The following TMEM204 variants were observed in gnomAD, a reference collection of about 807,000 sequenced individuals.
The protein encoded by TMEM204 is transmembrane protein 204.
Under a neutral mutation model 19.4 loss-of-function variants are expected in TMEM204, and 15 were observed. The ratio of observed to expected loss-of-function variants is 0.77; its 90% CI spans 0.52 to 1.19. TMEM204 has a LOEUF of 1.19. Among genes scored for constraint, TMEM204 ranks in the 50% most tolerant of loss-of-function variants. The pLI is 0.00. For synonymous variants in TMEM204, 161 were observed against 146.0 expected, an observed-to-expected ratio of 1.10 and a Z score of -0.74; for missense variants, 287 against 321.2, an observed-to-expected ratio of 0.89 and a Z score of 0.81.
chr16:1,535,656 C>T (rs1007216658), intron 1 of TMEM204, among the ~76,000 whole-genome samples: 5 of 152,204 alleles, frequency 3.3e-5, no homozygotes, highest in Admixed American at 2.6e-4. Flanking sequence ...GGAATGTCAT[C>T]CCCACTTCAC....
intron 2 of TMEM204, among the ~76,000 whole-genome samples, chr16:1,549,313 T>C (rs1393956982): frequency 1.3e-5 from 2 of 152,278 alleles, no homozygotes; most frequent in Admixed American, 6.5e-5. Flanking sequence ...AATTTTCCCA[T>C]CTGCTTCTGT....
At chr16:1,541,831 CA>C in intron 1 of TMEM204, 89 bp from the exon 2 acceptor site, 1 of 1,445,404 alleles carries the variant, frequency 6.9e-7, no homozygotes. Context: ...CTTTCCGAGG[CA>C]AACAGAGACC....
At chr16:1,529,959 A>T (rs572618736), upstream of TMEM204, among the ~76,000 whole-genome samples, 1 of 151,876 alleles carries the variant, frequency 6.6e-6, no homozygotes, top group Non-Finnish European at 1.5e-5. Flanking sequence ...AGTTCTACAG[A>T]TCGGATGGAA....
At chr16:1,554,330 A>C (rs1052644597) in intron 2 of TMEM204, among the ~76,000 whole-genome samples, 1 of 152,220 alleles carries the variant, frequency 6.6e-6, no homozygotes, top group Non-Finnish European at 1.5e-5. Flanking sequence ...TCTTTGAATG[A>C]ATTAAGCATT....
chr16:1,540,765 TA>T, intron 1 of TMEM204: 1 of 919,790 alleles, frequency 1.1e-6, no homozygotes, highest in Non-Finnish European at 1.3e-6. Context: ...GCAAGTCATT[TA>T]AAAAGGTGCA....
chr16:1,544,957 G>T (rs1403401209), intron 2 of TMEM204, among the ~76,000 whole-genome samples: 1 of 152,204 alleles, frequency 6.6e-6, no homozygotes, highest in South Asian at 2.1e-4. Flanking sequence ...CCAGATCACT[G>T]CATTTCTTAA....
In TMEM204 at chr16:1,553,934, G is replaced by C; in HGVS notation, c.437-848G>C. 7.8e-7 allele frequency: 1 copy of C among 1,286,062 alleles called. No homozygotes were observed. The highest frequency in any genetic ancestry group is 5.6e-5 in the East Asian group (1 of 17,986). The allele number at this position is 1,286,062 out of a possible 1,614,324, so 79.7% of individuals were successfully genotyped here. A position where few individuals can be genotyped will look rare whatever the true frequency, so the allele number is the denominator to read the frequency against. On this transcript the variant is annotated intron_variant, in intron 2 of 2. Coordinates refer to ENST00000566264, the MANE Select transcript of TMEM204 (RefSeq NM_024600.6). This position sits in a 1 kb window ranked among gnomAD's most constrained non-coding sequence, Gnocchi z 4.4. The stretch of plus-strand genomic sequence containing the variant: ...AAAAAGGTCTTTGGAGCTCCTCAAA[G>C]ATAAAACTGTAAGTGAAACTGTAGC...
intron 1 of TMEM204, among the ~76,000 whole-genome samples, chr16:1,538,136 C>T (rs1259001652): frequency 2.6e-5 from 4 of 152,220 alleles, no homozygotes; most frequent in African/African-American, 7.2e-5. Flanking sequence ...GAGCGTGGCT[C>T]AGACAGGAAG....
chr16:1,530,340 C>T (rs1308740372), upstream of TMEM204, among the ~76,000 whole-genome samples: 4 of 151,876 alleles, frequency 2.6e-5, no homozygotes, highest in South Asian at 6.2e-4. Context: ...ATCATGTTGG[C>T]CAGGATGGTC....
At chr16:1,543,257 G>C (rs1360999718) in intron 2 of TMEM204, among the ~76,000 whole-genome samples, 1 of 152,274 alleles carries the variant, frequency 6.6e-6, no homozygotes, top group Non-Finnish European at 1.5e-5. Context: ...CACAGAGGAA[G>C]TGGCAGGAAG....
intron 1 of TMEM204, among the ~76,000 whole-genome samples, chr16:1,539,176 G>A (rs1210851952): frequency 2.0e-5 from 3 of 150,828 alleles, no homozygotes; most frequent in South Asian, 2.1e-4. Flanking sequence ...GTGCCACGCC[G>A]CCCCACGCCT....
chr16:1,554,235 G>C, intron 2 of TMEM204: 1 of 760,776 alleles, frequency 1.3e-6, no homozygotes, highest in Non-Finnish European at 1.8e-6. Context: ...CAAAGGCCAA[G>C]AGCAAGAAAA....
Position 1,553,248 on chromosome 16 carries a change from GTC to G in TMEM204, c.437-1528_437-1527del. ...TCCATCTGTCTCTGTGTCTGTCTCTGTCTCTCTGTATCTCTCTTGGTCTCTGT... is the reference window on the plus strand; with the variant it reads ...TCCATCTGTCTCTGTGTCTGTCTCTGTCTCTGTATCTCTCTTGGTCTCTGT... On this transcript the variant is annotated intron_variant, in intron 2 of 2. Coordinates refer to ENST00000566264, the MANE Select transcript of TMEM204 (RefSeq NM_024600.6). This position sits in a 1 kb window ranked among gnomAD's most constrained non-coding sequence, Gnocchi z 4.4. 1.0e-6 allele frequency: 1 copy of G among 976,430 alleles called. No individual in the cohort carries two copies. The highest frequency in any genetic ancestry group is 1.2e-6 in the Non-Finnish European group (1 of 822,020). 60.5% of individuals were successfully genotyped at this position (976,430 alleles called of 1,614,324 possible).
Position 1,553,238 on chromosome 16 carries a change from G to GTCTGTCTCTGTC in TMEM204, c.437-1540_437-1529dup. The GTCTGTCTCTGTC allele has an allele frequency of 1.2e-5, 12 of 974,422 alleles. No homozygotes were observed. Among genetic ancestry groups the GTCTGTCTCTGTC allele is most frequent in the Non-Finnish European group, 1.3e-5 (11 of 820,228 alleles). The allele number at this position is 974,422 out of a possible 1,614,324, so 60.4% of individuals were successfully genotyped here. A position where few individuals can be genotyped will look rare whatever the true frequency, so the allele number is the denominator to read the frequency against. On this transcript the variant is annotated intron_variant, in intron 2 of 2. Transcript: ENST00000566264. The surrounding 1 kb of genome is among the most constrained non-coding windows in gnomAD (Gnocchi z 4.4). ...TCTCTCTGTCTCCATCTGTCTCTGT[G>GTCTGTCTCTGTC]TCTGTCTCTGTCTCTCTGTATCTCT... is the stretch of plus-strand genomic sequence containing the variant.
intron 1 of TMEM204, among the ~76,000 whole-genome samples, chr16:1,540,591 G>A (rs1022045488): frequency 1.3e-5 from 2 of 152,208 alleles, no homozygotes; most frequent in Non-Finnish European, 1.5e-5. Context: ...GCTGCTCCCT[G>A]GATTCTGGTG....
At position 1,534,200 on chromosome 16, in the gene TMEM204, G is replaced by A. The variant is rs1469772955; in HGVS notation, c.-76G>A. On this transcript the variant is annotated 5_prime_UTR_variant, in exon 1 of 3. Coordinates refer to ENST00000566264, the MANE Select transcript of TMEM204 (RefSeq NM_024600.6). ...ATGTCCTCTAGCCACCCCTAGCAGCGTCGGCTCTCCCTGGACGTGCGGCCG... is the reference window on the plus strand; with the variant it reads ...ATGTCCTCTAGCCACCCCTAGCAGCATCGGCTCTCCCTGGACGTGCGGCCG... 9 of 1,571,236 alleles carry A rather than the reference G, an allele frequency of 5.7e-6. No homozygotes were observed. The highest frequency in any genetic ancestry group is 2.7e-5 in the African/African-American group (2 of 73,290).
At chr16:1,552,922 C>T (rs1384858667) in intron 2 of TMEM204, 19 of 973,186 alleles carry the variant, frequency 2.0e-5, no homozygotes, top group Non-Finnish European at 2.3e-5. Flanking sequence ...CAAAGTGCTG[C>T]GATTATAGGC....
At chr16:1,554,312 A>G (rs1320934255) in intron 2 of TMEM204, among the ~76,000 whole-genome samples, 1 of 152,248 alleles carries the variant, frequency 6.6e-6, no homozygotes, top group Non-Finnish European at 1.5e-5. Context: ...AGACTTAGAA[A>G]AGTCTTTTCT....
intron 2 of TMEM204, 25 bp from the exon 3 acceptor site, chr16:1,554,757 C>A (rs751445141): frequency 6.2e-7 from 1 of 1,612,018 alleles, no homozygotes; most frequent in Non-Finnish European, 8.5e-7. Context: ...CAGACAAGGC[C>A]TCTCAACCCT....
Sources: gnomAD v4.1 joint callset for allele counts (sites outside exome capture counted in the v4.1 genomes callset) on GRCh38, gnomAD v4.1.1 for gene constraint, Gnocchi (gnomAD v3.1) non-coding constraint, MANE v1.5 for transcripts, NCBI Gene and HGNC (gene_info 2026-07-23, HGNC 2026-07-21) for gene names.